SRPK2: variants seen among roughly 807,000 people sequenced by gnomAD.
SRPK2 encodes the protein SFRS protein kinase 2.
In SRPK2, 21 loss-of-function variants were observed where a neutral mutation model predicts 90.8. The ratio of observed to expected loss-of-function variants is 0.23; its 90% CI spans 0.16 to 0.33. The LOEUF (loss-of-function observed/expected upper bound fraction) is 0.33. Ranked by LOEUF, SRPK2 falls within the 10% of genes least tolerant of loss-of-function variation. The pLI is 1.00. For missense variants in SRPK2, 620 were observed against 869.0 expected (o/e 0.71, Z 3.60); for synonymous variants, 288 against 311.1 (o/e 0.93, Z 0.78).
intron 2 of SRPK2, among the ~76,000 whole-genome samples, chr7:105,273,043 G>A (rs984733469): frequency 2.6e-5 from 4 of 151,974 alleles, no homozygotes; most frequent in African/African-American, 7.2e-5. Flanking sequence ...GTGAAACTCC[G>A]TCTCTACTAA....
At chr7:105,389,037 G>A (rs1331906360), upstream of SRPK2, 5 of 939,978 alleles carry the variant, frequency 5.3e-6, no homozygotes, top group Middle Eastern at 1.1e-3. Context: ...CCAGCGCCGC[G>A]CGCCCAGCGC....
intron 2 of SRPK2, among the ~76,000 whole-genome samples, chr7:105,366,367 C>CTTTTTTTTTTTTTTTTTTT (rs34409221): frequency 7.2e-6 from 1 of 139,322 alleles, no homozygotes; most frequent in Non-Finnish European, 1.5e-5. Context: ...ACAGGTATGC[C>CTTTTTTTTTTTTTTTTTTT]TTTTTTTTTT....
At chr7:105,372,938 A>C (rs1454471110) in intron 2 of SRPK2, among the ~76,000 whole-genome samples, 1 of 152,032 alleles carries the variant, frequency 6.6e-6, no homozygotes, top group African/African-American at 2.4e-5. Context: ...AAAATACAAA[A>C]ATTAGCTGGG....
chr7:105,149,606 GTC>G (rs1562991036), intron 7 of SRPK2, among the ~76,000 whole-genome samples: 1 of 152,124 alleles, frequency 6.6e-6, no homozygotes, highest in Non-Finnish European at 1.5e-5. Flanking sequence ...TCTTTTCTCA[GTC>G]TCTCGTCCCA....
At position 105,287,074 on chromosome 7, in the gene SRPK2, A is replaced by C. The variant is rs1808206962; in HGVS notation, c.72-83289T>G. Among the ~76,000 whole-genome samples, 3 of 151,252 alleles carry C rather than the reference A, an allele frequency of 2.0e-5. No homozygotes were observed. In the South Asian group the frequency reaches 6.3e-4, roughly 32 times the overall value. ...CAGGAGATCGAGACCATCCCGGCTA[A>C]AACGGTGAAACCCCGTCTCTACTAA... On this transcript the variant is annotated intron_variant, in intron 2 of 15. Transcript: ENST00000393651.
At chr7:105,377,146 T>G (rs982696687) in intron 2 of SRPK2, among the ~76,000 whole-genome samples, 1 of 152,176 alleles carries the variant, frequency 6.6e-6, no homozygotes, top group African/African-American at 2.4e-5. Flanking sequence ...CACGCCCTTC[T>G]TGAAATGCTG....
chr7:105,124,965 C>T (rs1800960542), intron 15 of SRPK2, among the ~76,000 whole-genome samples: 1 of 151,670 alleles, frequency 6.6e-6, no homozygotes, highest in Non-Finnish European at 1.5e-5. Flanking sequence ...AACCCTGTCT[C>T]TACTAAAAAT....
intron 2 of SRPK2, among the ~76,000 whole-genome samples, chr7:105,367,766 ATTTCATGT>A (rs1015307859): frequency 4.6e-5 from 7 of 152,318 alleles, no homozygotes; most frequent in African/African-American, 1.7e-4. Context: ...TTTTGTGTAC[ATTTCATGT>A]TGGTAAATGA....
rs567724922 is a variant in SRPK2, at chr7:105,340,908, TTAA to T, written c.71+47737_71+47739del. On this transcript the variant is annotated intron_variant, in intron 2 of 15. Coordinates refer to ENST00000393651, the MANE Select transcript of SRPK2 (RefSeq NM_182692.3). ...CAATAAAGACTTTTCTAATGAGATA[TTAA>T]TGTTTTTTTAGATATTGTATAATGA... Among the ~76,000 whole-genome samples the T allele has an allele frequency of 2.1e-3, 325 of 152,318 alleles. 1 individual carries two copies. Among genetic ancestry groups the T allele is most frequent in the African/African-American group, 7.5e-3 (313 of 41,578 alleles).
Position 105,127,160 on chromosome 7 carries a change from C to G in SRPK2, c.1753-98G>C, listed in dbSNP as rs1008526360. ...GAAGAGACCGCCACTTTATGAAGAT[C>G]TGAATCAAACAAAATAGCCTCCTGA... On this transcript the variant is annotated intron_variant, in intron 13 of 15. Coordinates refer to ENST00000393651, the MANE Select transcript of SRPK2 (RefSeq NM_182692.3). 4 of 1,121,428 alleles carry G rather than the reference C, an allele frequency of 3.6e-6. No individual in the cohort carries two copies. The African/African-American group carries it at 6.2e-5, about 17-fold the overall frequency. The allele number at this position is 1,121,428 out of a possible 1,614,324, so 69.5% of individuals were successfully genotyped here. A position where few individuals can be genotyped will look rare whatever the true frequency, so the allele number is the denominator to read the frequency against.
upstream of SRPK2, among the ~76,000 whole-genome samples, chr7:105,389,796 G>C (rs1211288885): frequency 6.6e-6 from 1 of 152,102 alleles, no homozygotes; most frequent in Non-Finnish European, 1.5e-5. Flanking sequence ...TAACTGCAAT[G>C]TTCTCTTATT....
intron 2 of SRPK2, among the ~76,000 whole-genome samples, chr7:105,246,994 T>C (rs1314761142): frequency 6.6e-6 from 1 of 152,238 alleles, no homozygotes; most frequent in Non-Finnish European, 1.5e-5. Context: ...TGCTGGGTCC[T>C]AGTTCTACTG....
At chr7:105,272,607 G>A (rs1004638863) in intron 2 of SRPK2, among the ~76,000 whole-genome samples, 4 of 151,938 alleles carry the variant, frequency 2.6e-5, no homozygotes, top group African/African-American at 9.7e-5. Flanking sequence ...GGTAATACCT[G>A]TAAGGACCCT....
intron 2 of SRPK2, among the ~76,000 whole-genome samples, chr7:105,280,008 T>G (rs1261465531): frequency 6.6e-6 from 1 of 152,236 alleles, no homozygotes; most frequent in Non-Finnish European, 1.5e-5. Flanking sequence ...GATTATATCA[T>G]AGAGTAATAT....
At chr7:105,289,995 G>T (rs1460981705) in intron 2 of SRPK2, among the ~76,000 whole-genome samples, 2 of 152,062 alleles carry the variant, frequency 1.3e-5, no homozygotes, top group African/African-American at 4.8e-5. Flanking sequence ...ACAGAGTACA[G>T]GTCAGTGGAG....
At chr7:105,122,859 G>A (rs1584858533) in intron 15 of SRPK2, among the ~76,000 whole-genome samples, 1 of 151,634 alleles carries the variant, frequency 6.6e-6, no homozygotes, top group African/African-American at 2.4e-5. Flanking sequence ...CAACACACTC[G>A]ATGCTGTCAT....
At chr7:105,267,221 C>G (rs538923490) in intron 2 of SRPK2, among the ~76,000 whole-genome samples, 1 of 152,180 alleles carries the variant, frequency 6.6e-6, no homozygotes, top group African/African-American at 2.4e-5. Context: ...GTATTTTAAC[C>G]AGAAAACCTC....
intron 2 of SRPK2, among the ~76,000 whole-genome samples, chr7:105,323,210 C>CA (rs780728924): frequency 6.6e-6 from 1 of 151,970 alleles, no homozygotes. Flanking sequence ...AAAAGTCCTA[C>CA]AAAAAGAAAC....
intron 2 of SRPK2, among the ~76,000 whole-genome samples, chr7:105,241,083 A>G (rs3801282): frequency 0.72 from 109,693 of 152,052 alleles, 40,121 homozygotes; most frequent in African/African-American, 0.84. Flanking sequence ...GCTTTAAAAG[A>G]GGCTGCATGG....
Sources: gnomAD v4.1 joint callset for allele counts (sites outside exome capture counted in the v4.1 genomes callset) on GRCh38, gnomAD v4.1.1 for gene constraint, MANE v1.5 for transcripts, NCBI Gene and HGNC (gene_info 2026-07-23, HGNC 2026-07-21) for gene names.